Variants in MAGI2 observed in about 807,000 individuals in gnomAD.
The protein encoded by MAGI2 is membrane-associated guanylate kinase, WW and PDZ domain-containing protein 2.
A neutral mutation model predicts 133.3 loss-of-function variants in MAGI2; 35 were observed. That is an observed-to-expected ratio of 0.26 (90% CI 0.20 to 0.35). MAGI2 has a LOEUF of 0.35. Among genes scored for constraint, MAGI2 ranks in the 10% least tolerant of loss-of-function variants. MAGI2 has a pLI of 1.00. For synonymous variants in MAGI2, 729 were observed against 710.6 expected, an observed-to-expected ratio of 1.03 and a Z score of -0.41; for missense variants, 1,636 against 1,863.4, an observed-to-expected ratio of 0.88 and a Z score of 2.25.
chr7:79,124,975 A>T, intron 1 of MAGI2: 1 of 285,464 alleles, frequency 3.5e-6, no homozygotes, highest in Non-Finnish European at 6.8e-6. Flanking sequence ...AGGTGGAGGG[A>T]AGAGTTGTGG....
intron 1 of MAGI2, among the ~76,000 whole-genome samples, chr7:79,030,599 G>A (rs1810470043): frequency 6.6e-6 from 1 of 152,156 alleles, no homozygotes; most frequent in African/African-American, 2.4e-5. Context: ...GAACATAGCA[G>A]GTGTTTAAGT....
chr7:79,362,743 T>C (rs1454686702), intron 1 of MAGI2, among the ~76,000 whole-genome samples: 1 of 151,914 alleles, frequency 6.6e-6, no homozygotes, highest in African/African-American at 2.4e-5. Flanking sequence ...GGTCATTAGA[T>C]AAAAACTCTC....
In MAGI2 at chr7:79,399,095, C is replaced by CTTTTT. The variant is rs767332496; in HGVS notation, c.301+53920_301+53924dup. Among the ~76,000 whole-genome samples the CTTTTT allele has an allele frequency of 2.1e-4, 22 of 106,282 alleles. 2 individuals are homozygous for CTTTTT. The highest frequency in any genetic ancestry group is 7.1e-4 in the South Asian group (2 of 2,822). The allele number at this position is 106,282 out of a possible 152,430, so 69.7% of individuals were successfully genotyped here. A position where few individuals can be genotyped will look rare whatever the true frequency, so the allele number is the denominator to read the frequency against. ...GTATTATTTCTTTTTTTTTTCTTTT[C>CTTTTT]TTTTTTTTTTTTTTTGGGAGATGGA... On this transcript the variant is annotated intron_variant, in intron 1 of 21. Coordinates refer to ENST00000354212, the MANE Select transcript of MAGI2 (RefSeq NM_012301.4).
At chr7:78,884,146 A>C (rs1031217633) in intron 2 of MAGI2, among the ~76,000 whole-genome samples, 1 of 152,136 alleles carries the variant, frequency 6.6e-6, no homozygotes, top group Non-Finnish European at 1.5e-5. Context: ...AAAAAACGTA[A>C]AGAACAAAAC....
At chr7:78,192,161 A>G (rs377685028) in intron 12 of MAGI2, among the ~76,000 whole-genome samples, 98 of 152,278 alleles carry the variant, frequency 6.4e-4, no homozygotes, top group African/African-American at 2.2e-3. Context: ...GGGAAATGTC[A>G]AAGGACTTAG....
chr7:78,761,977 T>TG (rs2151301315), intron 2 of MAGI2, among the ~76,000 whole-genome samples: 1 of 152,250 alleles, frequency 6.6e-6, no homozygotes, highest in Non-Finnish European at 1.5e-5. Flanking sequence ...AATACTGACA[T>TG]GAGGCATGGA....
intron 2 of MAGI2, among the ~76,000 whole-genome samples, chr7:78,704,778 C>CTTTTTTTTTTTCCT (rs1554535242): frequency 0.21 from 10,081 of 47,078 alleles, 891 homozygotes; most frequent in East Asian, 0.36. Context: ...GGCCATTATT[C>CTTTTTTTTTTTCCT]TTTTTTTTTT....
chr7:79,404,202 T>C (rs1404187046), intron 1 of MAGI2, among the ~76,000 whole-genome samples: 1 of 152,160 alleles, frequency 6.6e-6, no homozygotes, highest in Non-Finnish European at 1.5e-5. Flanking sequence ...TAGCCTCTTA[T>C]ATAGTCTTAT....
intron 12 of MAGI2, among the ~76,000 whole-genome samples, chr7:78,187,161 T>C (rs1274211328): frequency 6.6e-6 from 1 of 152,184 alleles, no homozygotes; most frequent in Non-Finnish European, 1.5e-5. Flanking sequence ...TAAACGTCTC[T>C]AAAACATAAA....
chr7:79,323,491 T>C (rs1364331864), intron 1 of MAGI2, among the ~76,000 whole-genome samples: 1 of 151,904 alleles, frequency 6.6e-6, no homozygotes, highest in African/African-American at 2.4e-5. Flanking sequence ...GAAGACCAGC[T>C]GGAATGATCG....
intron 6 of MAGI2, among the ~76,000 whole-genome samples, chr7:78,477,119 C>A (rs1563057206): frequency 2.7e-5 from 1 of 37,594 alleles, no homozygotes; most frequent in Non-Finnish European, 4.2e-5. Context: ...TCTGAGAGAA[C>A]TTTATATATT....
At chr7:78,453,258 C>T (rs1031917369) in intron 6 of MAGI2, among the ~76,000 whole-genome samples, 14 of 152,126 alleles carry the variant, frequency 9.2e-5, no homozygotes, top group African/African-American at 3.4e-4. Flanking sequence ...AATGCAAATA[C>T]ACAGATGGAG....
intron 2 of MAGI2, among the ~76,000 whole-genome samples, chr7:78,703,077 A>G (rs1342632524): frequency 6.6e-6 from 1 of 152,048 alleles, no homozygotes; most frequent in Non-Finnish European, 1.5e-5. Flanking sequence ...AGGCATGGCC[A>G]AAGTTAGAAA....
intron 2 of MAGI2, among the ~76,000 whole-genome samples, chr7:78,865,728 T>G (rs1317242479): frequency 6.6e-6 from 1 of 152,208 alleles, no homozygotes. Context: ...AACAGAATCT[T>G]ATGTTTACAG....
intron 2 of MAGI2, among the ~76,000 whole-genome samples, chr7:78,659,097 C>CTATG (rs1812626751): frequency 6.6e-6 from 1 of 152,166 alleles, no homozygotes; most frequent in South Asian, 2.1e-4. Context: ...CTTAAACGAA[C>CTATG]TATGGTACAA....
chr7:79,451,831 G>A (rs1171420172), intron 1 of MAGI2, among the ~76,000 whole-genome samples: 1 of 152,040 alleles, frequency 6.6e-6, no homozygotes, highest in Admixed American at 6.6e-5. Flanking sequence ...TGCCTGTGAC[G>A]CAAATATCCA....
At chr7:78,624,668 G>A (rs1470948987) in intron 3 of MAGI2, among the ~76,000 whole-genome samples, 1 of 151,692 alleles carries the variant, frequency 6.6e-6, no homozygotes, top group Non-Finnish European at 1.5e-5. Context: ...AAGAGGGAGA[G>A]CATCAGAAAG....
intron 1 of MAGI2, among the ~76,000 whole-genome samples, chr7:79,108,988 TAG>T (rs953434426): frequency 6.6e-6 from 1 of 152,170 alleles, no homozygotes; most frequent in Admixed American, 6.5e-5. Flanking sequence ...GAGGCCTCCC[TAG>T]AAGCTGAGCA....
chr7:79,401,072 T>C (rs1458132182), intron 1 of MAGI2, among the ~76,000 whole-genome samples: 1 of 152,178 alleles, frequency 6.6e-6, no homozygotes, highest in East Asian at 1.9e-4. Flanking sequence ...TAAGTAGGAA[T>C]TTTCAAAGAT....
Sources: allele counts gnomAD v4.1 joint callset (sites outside exome capture counted in the v4.1 genomes callset), GRCh38; gene constraint gnomAD v4.1.1; transcripts MANE v1.5; gene names NCBI Gene and HGNC (gene_info 2026-07-23, HGNC 2026-07-21).